Variants in ODAD2 observed in about 807,000 individuals in gnomAD.
The protein encoded by ODAD2 is outer dynein arm-docking complex subunit 2.
A neutral mutation model predicts 106.8 loss-of-function variants in ODAD2; 89 were observed. The observed-to-expected ratio is 0.83, with a 90% CI of 0.70 to 0.99. ODAD2 has a LOEUF of 0.99. ODAD2 is among the 50% of genes least tolerant of loss of function. ODAD2 has a pLI of 0.00. For synonymous variants in ODAD2, 404 were observed against 436.2 expected (o/e 0.93, Z 0.92); for missense variants, 1,168 against 1,238.5 (o/e 0.94, Z 0.85).
At chr10:27,813,942 GC>G (rs1835932566) in intron 19 of ODAD2, among the ~76,000 whole-genome samples, 1 of 152,090 alleles carries the variant, frequency 6.6e-6, no homozygotes, top group Non-Finnish European at 1.5e-5. Flanking sequence ...TCAATAAATG[GC>G]CCCAGAACAA....
At chr10:27,815,961 A>G (rs1361961608) in intron 19 of ODAD2, among the ~76,000 whole-genome samples, 2 of 152,202 alleles carry the variant, frequency 1.3e-5, no homozygotes, top group East Asian at 1.9e-4. Context: ...CTATATAAAC[A>G]TGAATCTCTT....
At chr10:27,934,824 A>G (rs541547523) in intron 16 of ODAD2, among the ~76,000 whole-genome samples, 186 bp downstream of exon 16, 1 of 152,276 alleles carries the variant, frequency 6.6e-6, no homozygotes, top group South Asian at 2.1e-4. Flanking sequence ...TTAGCCCTCC[A>G]TCTCATATGA....
chr10:27,820,328 G>A (rs1836502271), intron 19 of ODAD2, among the ~76,000 whole-genome samples: 1 of 151,882 alleles, frequency 6.6e-6, no homozygotes, highest in African/African-American at 2.4e-5. Context: ...TTGTTCTGCA[G>A]TCTCTGCTTG....
chr10:27,964,223 T>A (rs1475141021), intron 9 of ODAD2, among the ~76,000 whole-genome samples: 2 of 152,036 alleles, frequency 1.3e-5, no homozygotes, highest in African/African-American at 2.4e-5. Context: ...CTCTGTAATA[T>A]TAATAATAAT....
At position 27,847,116 on chromosome 10, in the gene ODAD2, G is replaced by GA. The variant is rs1439882001; in HGVS notation, c.3021+13508dup. On this transcript the variant is annotated intron_variant, in intron 19 of 19. Coordinates refer to ENST00000305242, the MANE Select transcript of ODAD2 (RefSeq NM_018076.5). Reference sequence around the variant, plus strand: ...GATACCAAAGCCTGGCAGAGACACAGAAAAAAAAGAGAATTTTAGACCAAT... The same window carrying GA: ...GATACCAAAGCCTGGCAGAGACACAGAAAAAAAAAGAGAATTTTAGACCAAT... Among the ~76,000 whole-genome samples, 10 of 151,446 alleles carry GA rather than the reference G, an allele frequency of 6.6e-5. No individual in the cohort carries two copies. The East Asian group carries it at 1.7e-3, about 26-fold the overall frequency.
chr10:27,851,107 GAA>G (rs1375119554), intron 19 of ODAD2, among the ~76,000 whole-genome samples: 5 of 152,136 alleles, frequency 3.3e-5, no homozygotes, highest in Admixed American at 3.3e-4. Context: ...AGAACCACCT[GAA>G]AAGATTAGAA....
At chr10:27,886,477 T>C (rs1411125713) in intron 17 of ODAD2, among the ~76,000 whole-genome samples, 2 of 152,038 alleles carry the variant, frequency 1.3e-5, no homozygotes, top group African/African-American at 2.4e-5. Context: ...AGTTGAAGGA[T>C]TTATTACTAG....
At chr10:27,966,337 C>A (rs1225759321) in intron 9 of ODAD2, among the ~76,000 whole-genome samples, 1 of 152,146 alleles carries the variant, frequency 6.6e-6, no homozygotes, top group African/African-American at 2.4e-5. Context: ...GTAGAATAAG[C>A]CTAAGTTCTT....
At chr10:27,949,937 C>T (rs1847211402) in intron 10 of ODAD2, among the ~76,000 whole-genome samples, 1 of 152,040 alleles carries the variant, frequency 6.6e-6, no homozygotes, top group South Asian at 2.1e-4. Context: ...TGTTGGGCAA[C>T]ACGCTTGCAG....
At chr10:27,952,437 GT>G (rs1359661369) in intron 10 of ODAD2, among the ~76,000 whole-genome samples, 22 of 150,812 alleles carry the variant, frequency 1.5e-4, no homozygotes, top group Non-Finnish European at 7.4e-5. Context: ...TGTGCAGAAC[GT>G]GCAGGTTTGT....
chr10:27,906,710 G>C (rs1332624115), intron 17 of ODAD2, among the ~76,000 whole-genome samples: 3 of 152,148 alleles, frequency 2.0e-5, no homozygotes, highest in Non-Finnish European at 4.4e-5. Flanking sequence ...CATGTCCTTT[G>C]CAGGGACATG....
At chr10:27,814,706 T>C (rs992963834) in intron 19 of ODAD2, among the ~76,000 whole-genome samples, 2 of 152,240 alleles carry the variant, frequency 1.3e-5, no homozygotes, top group African/African-American at 4.8e-5. Context: ...GCTTCCTCCA[T>C]AACCAGCTTA....
chr10:27,848,186 A>T (rs1176241594), intron 19 of ODAD2, among the ~76,000 whole-genome samples: 1 of 152,238 alleles, frequency 6.6e-6, no homozygotes, highest in African/African-American at 2.4e-5. Flanking sequence ...ACAAGGCTAC[A>T]GTAACCAAAA....
intron 16 of ODAD2, among the ~76,000 whole-genome samples, chr10:27,922,973 T>C (rs1311206157): frequency 1.4e-5 from 2 of 145,032 alleles, no homozygotes; most frequent in African/African-American, 5.6e-5. Context: ...TAGTGAATGA[T>C]TAAATAAGAA....
At chr10:27,880,387 G>T (rs997907864) in intron 17 of ODAD2, among the ~76,000 whole-genome samples, 4 of 152,016 alleles carry the variant, frequency 2.6e-5, no homozygotes, top group Admixed American at 2.6e-4. Context: ...AATTCCTTTG[G>T]GAGGCAGAAA....
At chr10:27,868,888 T>C (rs1212567325) in intron 17 of ODAD2, among the ~76,000 whole-genome samples, 2 of 151,016 alleles carry the variant, frequency 1.3e-5, no homozygotes, top group East Asian at 1.9e-4. Flanking sequence ...CCTGTAAACA[T>C]AAAAAAAGAG....
intron 17 of ODAD2, among the ~76,000 whole-genome samples, chr10:27,886,404 T>A (rs941932607): frequency 5.3e-5 from 8 of 152,004 alleles, no homozygotes; most frequent in Admixed American, 3.3e-4. Context: ...AAACTGAACA[T>A]TCGATATTGA....
At chr10:27,896,007 A>G (rs905183752) in intron 17 of ODAD2, among the ~76,000 whole-genome samples, 4 of 152,194 alleles carry the variant, frequency 2.6e-5, no homozygotes, top group African/African-American at 9.6e-5. Context: ...TTAAGGAAAG[A>G]TGCTTTAAAT....
intron 7 of ODAD2, among the ~76,000 whole-genome samples, chr10:27,976,831 A>G (rs1441076872): frequency 6.6e-6 from 1 of 152,214 alleles, no homozygotes; most frequent in East Asian, 1.9e-4. Context: ...TTTAAAATAA[A>G]CAACTTCAAG....
Sources: gnomAD v4.1 joint callset for allele counts (sites outside exome capture counted in the v4.1 genomes callset) on GRCh38, gnomAD v4.1.1 for gene constraint, MANE v1.5 for transcripts, NCBI Gene and HGNC (gene_info 2026-07-23, HGNC 2026-07-21) for gene names.